LRRIQ4: variants seen among roughly 807,000 people sequenced by gnomAD.
LRRIQ4 encodes the protein leucine-rich repeat and IQ domain-containing protein 4.
Under a neutral mutation model 40.1 loss-of-function variants are expected in LRRIQ4, and 21 were observed. That is an observed-to-expected ratio of 0.52 (90% CI 0.37 to 0.75). The LOEUF is 0.75. LRRIQ4 is among the 30% of genes least tolerant of loss of function. The pLI is 0.00. For synonymous variants in LRRIQ4, 277 were observed against 277.1 expected (o/e 1.00, Z 0.00); for missense variants, 655 against 660.0 (o/e 0.99, Z 0.08).
At chr3:169,834,285 C>A (rs1178053922) in intron 5 of LRRIQ4, among the ~76,000 whole-genome samples, 1 of 152,150 alleles carries the variant, frequency 6.6e-6, no homozygotes, top group African/African-American at 2.4e-5. Context: ...TCGCTTGAAC[C>A]CAGGAGGCGG....
Position 169,832,959 on chromosome 3 carries a change from A to T in LRRIQ4, c.1334-28A>T, listed in dbSNP as rs765577690. ...GTTAATATTGTTTCTTCTAAGATTG[A>T]ACCACCATTACGAAAAAATCTTTTC... On this transcript the variant is annotated intron_variant, in intron 4 of 5. Transcript: ENST00000340806. The T allele has an allele frequency of 3.1e-5, 49 of 1,590,886 alleles. No individual in the cohort carries two copies. The Admixed American group carries it at 8.4e-4, about 27-fold the overall frequency.
intron 1 of LRRIQ4, among the ~76,000 whole-genome samples, chr3:169,814,595 C>T (rs1237442971): frequency 6.6e-6 from 1 of 152,132 alleles, no homozygotes; most frequent in Non-Finnish European, 1.5e-5. Flanking sequence ...AAGCAATTCT[C>T]CCACCTCAGC....
In LRRIQ4 at chr3:169,836,483, A is replaced by AAG. The variant is rs3047513; in HGVS notation, c.1531-974_1531-973dup. Among the ~76,000 whole-genome samples, 390 of 150,252 alleles carry AAG rather than the reference A, an allele frequency of 2.6e-3. 1 individual carries two copies. The highest frequency in any genetic ancestry group is 7.2e-3 in the African/African-American group (294 of 41,074). ...TCTCCCTGTGTCTTCATATAACAGA[A>AAG]AGAGAGAGAGAGAGAGAGAGAGATT... On this transcript the variant is annotated intron_variant, in intron 5 of 5. Transcript: ENST00000340806.
At chr3:169,829,646 C>T (rs1269537463) in intron 3 of LRRIQ4, among the ~76,000 whole-genome samples, 6 of 152,100 alleles carry the variant, frequency 3.9e-5, no homozygotes, top group Admixed American at 1.3e-4. Context: ...GGATTATAGG[C>T]GCCCACCACC....
At chr3:169,831,140 G>A (rs1472858113) in intron 4 of LRRIQ4, among the ~76,000 whole-genome samples, 1 of 150,128 alleles carries the variant, frequency 6.7e-6, no homozygotes, top group Non-Finnish European at 1.5e-5. Context: ...TTCTTTGTCT[G>A]TACATTCATC....
chr3:169,814,052 G>A (rs1213980602), intron 1 of LRRIQ4, among the ~76,000 whole-genome samples: 1 of 152,140 alleles, frequency 6.6e-6, no homozygotes, highest in Admixed American at 6.5e-5. Context: ...GCGTCAATCA[G>A]CTCAGTTAGA....
At chr3:169,817,137 C>T (rs1576758515) in intron 1 of LRRIQ4, among the ~76,000 whole-genome samples, 1 of 152,026 alleles carries the variant, frequency 6.6e-6, no homozygotes, top group East Asian at 1.9e-4. Flanking sequence ...TGTTGTGTTT[C>T]CATTTTAATT....
intron 2 of LRRIQ4, among the ~76,000 whole-genome samples, chr3:169,823,895 T>A (rs1325329486): frequency 6.6e-6 from 1 of 152,122 alleles, no homozygotes; most frequent in African/African-American, 2.4e-5. Context: ...CAAATAAACT[T>A]CAATATATTC....
Position 169,837,634 on chromosome 3 carries a change from C to A in LRRIQ4, c.*3C>A. The A allele has an allele frequency of 6.4e-7, 1 of 1,561,336 alleles. No homozygotes were observed. Among genetic ancestry groups the A allele is most frequent in the East Asian group, 2.3e-5 (1 of 43,064 alleles). ...CAGGAAAGGGAAAAAAGAAATAATC[C>A]TGTAAATTGATAAATTGGGGTAATG... On this transcript the variant is annotated 3_prime_UTR_variant, in exon 6 of 6. Coordinates refer to ENST00000340806, the MANE Select transcript of LRRIQ4 (RefSeq NM_001080460.3).
intron 1 of LRRIQ4, among the ~76,000 whole-genome samples, chr3:169,817,455 T>A (rs1560608400): frequency 6.6e-6 from 1 of 152,236 alleles, no homozygotes; most frequent in Non-Finnish European, 1.5e-5. Context: ...ATTTGGTCTA[T>A]AGTGCAGATT....
intron 2 of LRRIQ4, among the ~76,000 whole-genome samples, chr3:169,825,612 C>T (rs1422859006): frequency 1.3e-5 from 2 of 152,204 alleles, no homozygotes; most frequent in East Asian, 1.9e-4. Flanking sequence ...AGGGATAACA[C>T]ATTATACTGA....
At chr3:169,823,384 A>G (rs1228512102) in intron 2 of LRRIQ4, among the ~76,000 whole-genome samples, 1 of 141,438 alleles carries the variant, frequency 7.1e-6, no homozygotes. Context: ...GTCTAGCTCT[A>G]TTGCACAGGC....
intron 2 of LRRIQ4, among the ~76,000 whole-genome samples, chr3:169,824,999 T>G (rs1454757599): frequency 2.8e-5 from 4 of 144,228 alleles, no homozygotes; most frequent in Non-Finnish European, 5.9e-5. Flanking sequence ...CGGATTTATT[T>G]TTAAAAATCT....
intron 2 of LRRIQ4, among the ~76,000 whole-genome samples, chr3:169,823,795 T>C (rs1779974949): frequency 6.6e-6 from 1 of 152,210 alleles, no homozygotes; most frequent in African/African-American, 2.4e-5. Flanking sequence ...GTCCCGTGTG[T>C]GCAGGGTGGC....
chr3:169,818,387 GT>G (rs1470492686), intron 1 of LRRIQ4, among the ~76,000 whole-genome samples: 3 of 152,154 alleles, frequency 2.0e-5, no homozygotes, highest in African/African-American at 7.2e-5. Flanking sequence ...GTGAATAGTT[GT>G]TCAATTTGGT....
rs932261281 is a variant in LRRIQ4 at position 169,836,041 on chromosome 3, A to C, written c.1531-1438A>C. Among the ~76,000 whole-genome samples, 7 of 152,366 alleles carry C rather than the reference A, an allele frequency of 4.6e-5. No homozygotes were observed. In the East Asian group the frequency reaches 9.6e-4, roughly 21 times the overall value. On this transcript the variant is annotated intron_variant, in intron 5 of 5. Coordinates refer to ENST00000340806, the MANE Select transcript of LRRIQ4 (RefSeq NM_001080460.3). Reference sequence around the variant, plus strand: ...ATTTATTGAGCTTCTACTATGCACCAGACACTGTTCTAAGCATTGAGATAC... The same window carrying C: ...ATTTATTGAGCTTCTACTATGCACCCGACACTGTTCTAAGCATTGAGATAC...
chr3:169,816,395 T>C lies in LRRIQ4; in HGVS notation c.-32+3349T>C, dbSNP rs551658321. Among the ~76,000 whole-genome samples, 6 of 152,166 alleles carry C rather than the reference T, an allele frequency of 3.9e-5. 1 individual carries two copies. Among genetic ancestry groups the C allele is most frequent in the South Asian group, 4.1e-4 (2 of 4,836 alleles). On this transcript the variant is annotated intron_variant, in intron 1 of 5. Transcript: ENST00000340806. Reference sequence around the variant, plus strand: ...TTCATGGTTCAATCTTGGTAAATGGTATATATCTAGGAATTTATCCATTTC... The same window carrying C: ...TTCATGGTTCAATCTTGGTAAATGGCATATATCTAGGAATTTATCCATTTC...
At chr3:169,834,770 T>C (rs1258202701) in intron 5 of LRRIQ4, among the ~76,000 whole-genome samples, 1 of 152,194 alleles carries the variant, frequency 6.6e-6, no homozygotes, top group Non-Finnish European at 1.5e-5. Context: ...GTTTTATGTA[T>C]ACACATATAA....
At chr3:169,836,451 G>T (rs1780303865) in intron 5 of LRRIQ4, among the ~76,000 whole-genome samples, 1 of 151,892 alleles carries the variant, frequency 6.6e-6, no homozygotes, top group Admixed American at 6.6e-5. Context: ...GCCTGTAGAA[G>T]CTGACTTCTC....
Sources: allele counts gnomAD v4.1 joint callset (sites outside exome capture counted in the v4.1 genomes callset), GRCh38; gene constraint gnomAD v4.1.1; transcripts MANE v1.5; gene names NCBI Gene and HGNC (gene_info 2026-07-23, HGNC 2026-07-21).